The following SEMA6D variants were observed in gnomAD, a reference collection of about 807,000 sequenced individuals.
SEMA6D encodes the protein semaphorin 6D.
SEMA6D carries 35 observed loss-of-function variants against 106.6 expected under a neutral mutation model. The ratio of observed to expected loss-of-function variants is 0.33; its 90% CI spans 0.25 to 0.44. The LOEUF (loss-of-function observed/expected upper bound fraction) is 0.44, where lower values mean the gene tolerates loss of function less well. Ranked by LOEUF, SEMA6D falls within the 20% of genes least tolerant of loss-of-function variation. The pLI is 1.00. For missense variants in SEMA6D, 1,185 were observed against 1,345.9 expected (o/e 0.88, Z 1.87); for synonymous variants, 499 against 487.7 (o/e 1.02, Z -0.31).
At chr15:47,435,117 T>C (rs1260947076) in intron 2 of SEMA6D, among the ~76,000 whole-genome samples, 1 of 152,174 alleles carries the variant, frequency 6.6e-6, no homozygotes, top group Non-Finnish European at 1.5e-5. Context: ...TTATACTATA[T>C]TTTAACTTAT....
rs181277112 is a variant in SEMA6D, at chr15:47,195,582, G to A, written c.-239+11164G>A. 1.9e-3 allele frequency among the ~76,000 whole-genome samples: 282 copies of A among 152,250 alleles called. 1 individual carries two copies. The highest frequency in any genetic ancestry group is 2.0e-3 in the Non-Finnish European group (135 of 68,022). On this transcript the variant is annotated intron_variant, in intron 1 of 19. Transcript: ENST00000558014. Reference sequence around the variant, plus strand: ...TGTGTATTTTACCATGGTCTTACCAGATGTCAAAACCACACTCTTGTTCTT... The same window carrying A: ...TGTGTATTTTACCATGGTCTTACCAAATGTCAAAACCACACTCTTGTTCTT...
intron 3 of SEMA6D, among the ~76,000 whole-genome samples, chr15:47,596,852 A>C (rs1477103180): frequency 6.6e-6 from 1 of 152,080 alleles, no homozygotes; most frequent in Non-Finnish European, 1.5e-5. Context: ...AGGAGAAAAA[A>C]ACTACGCAAC....
intron 1 of SEMA6D, chr15:47,275,275 G>A (rs950301596): frequency 6.6e-6 from 1 of 152,126 alleles, no homozygotes; most frequent in Non-Finnish European, 1.5e-5. Flanking sequence ...GAATACATAT[G>A]TGCTGAGAAA....
intron 1 of SEMA6D, among the ~76,000 whole-genome samples, chr15:47,342,467 G>A (rs917823380): frequency 6.6e-6 from 1 of 152,164 alleles, no homozygotes; most frequent in Non-Finnish European, 1.5e-5. Context: ...AATAAGTTCT[G>A]CAAATCTGTC....
chr15:47,637,332 C>G (rs1056297202), intron 4 of SEMA6D, among the ~76,000 whole-genome samples: 11 of 152,130 alleles, frequency 7.2e-5, no homozygotes, highest in Non-Finnish European at 1.5e-4. Flanking sequence ...ACTTTTCTAC[C>G]CATGTTTCGT....
intron 1 of SEMA6D, among the ~76,000 whole-genome samples, chr15:47,403,629 A>C (rs940950319): frequency 6.6e-5 from 10 of 152,348 alleles, no homozygotes; most frequent in Middle Eastern, 3.4e-3. Flanking sequence ...AGGAGCAGAC[A>C]GTTAACTGCA....
At chr15:47,458,243 C>T (rs965673977) in intron 2 of SEMA6D, among the ~76,000 whole-genome samples, 2 of 151,864 alleles carry the variant, frequency 1.3e-5, no homozygotes, top group African/African-American at 4.8e-5. Context: ...TGGAGGTTTT[C>T]ACCATATATG....
At chr15:47,529,937 C>T (rs1470598256) in intron 3 of SEMA6D, among the ~76,000 whole-genome samples, 1 of 152,194 alleles carries the variant, frequency 6.6e-6, no homozygotes, top group East Asian at 1.9e-4. Context: ...TGTTCATGTT[C>T]ATTCTTTGGG....
chr15:47,720,568 A>T (rs2079366250), intron 1 of SEMA6D, among the ~76,000 whole-genome samples: 1 of 152,194 alleles, frequency 6.6e-6, no homozygotes, highest in Non-Finnish European at 1.5e-5. Flanking sequence ...CTGCATGCAC[A>T]GAAAGGCTCT....
intron 2 of SEMA6D, among the ~76,000 whole-genome samples, chr15:47,464,586 T>G (rs74736999): frequency 0.02 from 3,105 of 152,262 alleles, 105 homozygotes; most frequent in African/African-American, 0.07. Flanking sequence ...GGTGCCAGTA[T>G]GCAGGCATGG....
At chr15:47,508,756 A>G (rs1013423800) in intron 3 of SEMA6D, among the ~76,000 whole-genome samples, 5 of 152,144 alleles carry the variant, frequency 3.3e-5, no homozygotes, top group Non-Finnish European at 5.9e-5. Context: ...ATAAATGCTG[A>G]TTCTTGGCCT....
rs1228591540 is a variant in SEMA6D, at chr15:47,690,500, TTGTC to T, written c.-54-69241_-54-69238del. On this transcript the variant is annotated intron_variant, in intron 4 of 19. Transcript: ENST00000558014. ...CATTTACAAATGAGGGGTCCAAAAA[TTGTC>T]TGTTTCCCTTCAAATGTGCACAGAT... 2.0e-5 allele frequency among the ~76,000 whole-genome samples: 3 copies of T among 152,192 alleles called. 1 individual carries two copies. The highest frequency in any genetic ancestry group is 1.3e-4 in the Admixed American group (2 of 15,286).
At chr15:47,768,026 G>A (rs999212980) in intron 17 of SEMA6D, among the ~76,000 whole-genome samples, 5 of 152,184 alleles carry the variant, frequency 3.3e-5, no homozygotes, top group Non-Finnish European at 5.9e-5. Flanking sequence ...GGGTGGCAGA[G>A]CCTTAGTATA....
intron 4 of SEMA6D, among the ~76,000 whole-genome samples, chr15:47,669,640 C>T (rs1034091323): frequency 5.3e-5 from 8 of 152,180 alleles, no homozygotes; most frequent in African/African-American, 1.9e-4. Flanking sequence ...ATGACCCCAC[C>T]GATCTCCTTA....
intron 17 of SEMA6D, chr15:47,767,660 TCTGTAC>T (rs1314521927): frequency 6.6e-6 from 1 of 152,262 alleles, no homozygotes; most frequent in Admixed American, 6.5e-5. Flanking sequence ...TCCAAGCCTC[TCTGTAC>T]CTGTTTGGAG....
chr15:47,241,354 C>T (rs1373558305), intron 1 of SEMA6D: 3 of 152,138 alleles, frequency 2.0e-5, no homozygotes, highest in African/African-American at 7.2e-5. Flanking sequence ...CAGCTGTTCG[C>T]ATTTGCAGAC....
At chr15:47,268,131 T>C (rs1381908097) in intron 1 of SEMA6D, among the ~76,000 whole-genome samples, 1 of 152,130 alleles carries the variant, frequency 6.6e-6, no homozygotes, top group Non-Finnish European at 1.5e-5. Context: ...TGCACATTAA[T>C]GTTTGAAAGG....
At chr15:47,286,230 C>A (rs1310021148) in intron 1 of SEMA6D, among the ~76,000 whole-genome samples, 1 of 152,068 alleles carries the variant, frequency 6.6e-6, no homozygotes, top group African/African-American at 2.4e-5. Context: ...ATTCTGAAGC[C>A]CCATTTCCCA....
intron 4 of SEMA6D, among the ~76,000 whole-genome samples, chr15:47,700,255 A>G (rs1483761586): frequency 6.6e-6 from 1 of 152,190 alleles, no homozygotes; most frequent in African/African-American, 2.4e-5. Flanking sequence ...CTACCAAGCT[A>G]TTTTGTAAAC....
Sources: gnomAD v4.1 joint callset for allele counts (sites outside exome capture counted in the v4.1 genomes callset) on GRCh38, gnomAD v4.1.1 for gene constraint, MANE v1.5 for transcripts, NCBI Gene and HGNC (gene_info 2026-07-23, HGNC 2026-07-21) for gene names.